The following ME1 variants were observed in gnomAD, a reference collection of about 807,000 sequenced individuals.
The protein encoded by ME1 is NADP-dependent malic enzyme.
Under a neutral mutation model 66.4 loss-of-function variants are expected in ME1, and 74 were observed. That is an observed-to-expected ratio of 1.11 (90% confidence interval 0.92 to 1.35). The LOEUF (loss-of-function observed/expected upper bound fraction) is 1.35, where lower values mean the gene tolerates loss of function less well. Ranked by LOEUF, ME1 falls within the 40% of genes most tolerant of loss-of-function variation. The pLI, the probability that ME1 is intolerant of heterozygous loss-of-function variation, is 0.00. For missense variants in ME1, 750 were observed against 694.1 expected (o/e 1.08, Z -0.90); for synonymous variants, 251 against 235.6 (o/e 1.07, Z -0.60).
intron 6 of ME1, among the ~76,000 whole-genome samples, chr6:83,301,340 T>C (rs112157854): frequency 2.6e-3 from 201 of 76,364 alleles, no homozygotes; most frequent in East Asian, 0.013. Flanking sequence ...CTCTCTCTCT[T>C]TCTTTCTTTC....
At position 83,346,093 on chromosome 6, in the gene ME1, T is replaced by C. The variant is rs562034304; in HGVS notation, c.600+80A>G. 1.9e-4 allele frequency: 212 copies of C among 1,116,254 alleles called. No homozygotes were observed. In the African/African-American group the frequency reaches 2.9e-3, roughly 15 times the overall value. The allele number at this position is 1,116,254 out of a possible 1,614,324, so 69.1% of individuals were successfully genotyped here. ...GACAAAAAAGAATGAATTTTATGAG[T>C]TCCTGGAATAAGTTCAAAATGCAAG... On this transcript the variant is annotated intron_variant, in intron 5 of 13. Transcript: ENST00000369705.
intron 12 of ME1, among the ~76,000 whole-genome samples, chr6:83,220,407 G>A (rs149340191): frequency 3.0e-3 from 454 of 152,260 alleles, no homozygotes; most frequent in Middle Eastern, 0.01. Flanking sequence ...GACCACACAG[G>A]GCCAGGAGGG....
At chr6:83,260,518 T>C (rs922627880) in intron 6 of ME1, among the ~76,000 whole-genome samples, 6 of 152,192 alleles carry the variant, frequency 3.9e-5, no homozygotes, top group Non-Finnish European at 7.4e-5. Context: ...TTTTATCACC[T>C]AGATGCTAAG....
chr6:83,394,881 A>G (rs377324708), intron 3 of ME1, among the ~76,000 whole-genome samples: 1 of 152,196 alleles, frequency 6.6e-6, no homozygotes, highest in East Asian at 1.9e-4. Context: ...TCTATATTTT[A>G]TGCATCTCAA....
At chr6:83,261,895 T>A (rs1311176641) in intron 6 of ME1, among the ~76,000 whole-genome samples, 2 of 150,694 alleles carry the variant, frequency 1.3e-5, no homozygotes, top group African/African-American at 4.9e-5. Context: ...GCGCTTGTAA[T>A]CCCAGCTACT....
intron 2 of ME1, among the ~76,000 whole-genome samples, chr6:83,407,318 AG>A (rs1387152713): frequency 6.6e-6 from 1 of 152,230 alleles, no homozygotes; most frequent in Non-Finnish European, 1.5e-5. Context: ...ACCCAAAGGT[AG>A]GGAAAAATAT....
chr6:83,253,949 C>A (rs1268874200), intron 6 of ME1, among the ~76,000 whole-genome samples: 1 of 152,072 alleles, frequency 6.6e-6, no homozygotes, highest in East Asian at 1.9e-4. Flanking sequence ...TGTGAAATAA[C>A]ATAAAATGAC....
chr6:83,402,932 TTAA>T, intron 2 of ME1, among the ~76,000 whole-genome samples: 1 of 152,362 alleles, frequency 6.6e-6, no homozygotes, highest in Admixed American at 6.5e-5. Context: ...TGTTTTGCTA[TTAA>T]TATGTGTGTA....
intron 2 of ME1, among the ~76,000 whole-genome samples, chr6:83,404,606 C>T (rs1331940559): frequency 5.3e-5 from 8 of 152,114 alleles, no homozygotes; most frequent in African/African-American, 1.9e-4. Flanking sequence ...GAATGTATTG[C>T]CTAGGTTTTC....
chr6:83,376,804 C>CAAAAAAAAAAAAAAAAAAAAAAAAAAAA (rs70987750), intron 3 of ME1, among the ~76,000 whole-genome samples: 34 of 87,064 alleles, frequency 3.9e-4, no homozygotes, highest in African/African-American at 1.1e-3. Flanking sequence ...CCCTGTCTCA[C>CAAAAAAAAAAAAAAAAAAAAAAAAAAAA]AAAAAAAAAA....
In ME1 at chr6:83,315,309, C is replaced by G; in HGVS notation, c.704+1G>C. On this transcript the variant is annotated splice_donor_variant, in intron 6 of 13. Transcript: ENST00000369705. LOFTEE classifies it high-confidence loss of function. ...AATATAGGTTAAATAAAGATACATACTTGGAAGAAACTGCCTCCATGAATT... is the reference window on the plus strand; with the variant it reads ...AATATAGGTTAAATAAAGATACATAGTTGGAAGAAACTGCCTCCATGAATT... The G allele has an allele frequency of 6.4e-7, 1 of 1,574,600 alleles. No individual in the cohort carries two copies. Among genetic ancestry groups the G allele is most frequent in the South Asian group, 1.1e-5 (1 of 88,640 alleles).
At chr6:83,423,001 G>A (rs1770298745) in intron 1 of ME1, among the ~76,000 whole-genome samples, 1 of 151,918 alleles carries the variant, frequency 6.6e-6, no homozygotes, top group Admixed American at 6.6e-5. Context: ...TACAGAATCA[G>A]GAAGCTCAGA....
At chr6:83,241,667 G>A (rs1416279880) in intron 7 of ME1, among the ~76,000 whole-genome samples, 1 of 151,972 alleles carries the variant, frequency 6.6e-6, no homozygotes, top group East Asian at 1.9e-4. Flanking sequence ...CTTGTACATG[G>A]CCTGGTACTA....
intron 6 of ME1, among the ~76,000 whole-genome samples, chr6:83,268,831 A>G (rs962201996): frequency 2.6e-5 from 4 of 151,732 alleles, no homozygotes; most frequent in African/African-American, 9.7e-5. Flanking sequence ...AGCTCAAGCA[A>G]TCTGCCAGCC....
At chr6:83,422,260 A>C (rs1770283031) in intron 1 of ME1, among the ~76,000 whole-genome samples, 1 of 152,220 alleles carries the variant, frequency 6.6e-6, no homozygotes, top group Non-Finnish European at 1.5e-5. Context: ...GGACAAATAC[A>C]AACAGTACTA....
chr6:83,411,601 T>C (rs753677406), intron 1 of ME1, among the ~76,000 whole-genome samples: 3 of 152,220 alleles, frequency 2.0e-5, no homozygotes, highest in Non-Finnish European at 4.4e-5. Context: ...GTGTAAAGTT[T>C]GAAGTAAAAT....
At chr6:83,423,542 T>C (rs566576563) in intron 1 of ME1, among the ~76,000 whole-genome samples, 1 of 152,280 alleles carries the variant, frequency 6.6e-6, no homozygotes, top group African/African-American at 2.4e-5. Context: ...CTCAAATCTG[T>C]AATCCCAGCA....
chr6:83,276,060 G>A (rs576458734), intron 6 of ME1, among the ~76,000 whole-genome samples: 4 of 151,962 alleles, frequency 2.6e-5, no homozygotes, highest in South Asian at 4.2e-4. Flanking sequence ...GTCAGCCACC[G>A]CGCCCCGGCC....
chr6:83,372,605 C>T (rs1283728844), intron 3 of ME1, among the ~76,000 whole-genome samples: 1 of 152,106 alleles, frequency 6.6e-6, no homozygotes, highest in African/African-American at 2.4e-5. Flanking sequence ...GGTGTAAAAA[C>T]CTTTGGGATT....
Sources: allele counts gnomAD v4.1 joint callset (sites outside exome capture counted in the v4.1 genomes callset), GRCh38; gene constraint gnomAD v4.1.1; transcripts MANE v1.5; gene names NCBI Gene and HGNC (gene_info 2026-07-23, HGNC 2026-07-21).